Variants in RGS6 observed in about 807,000 individuals in gnomAD.
RGS6 encodes regulator of G-protein signaling 6.
In RGS6, 30 loss-of-function variants were observed where a neutral mutation model predicts 78.5. The ratio of observed to expected loss-of-function variants is 0.38; its 90% CI spans 0.29 to 0.52. The LOEUF (loss-of-function observed/expected upper bound fraction) is 0.52. RGS6 is among the 20% of genes least tolerant of loss of function. RGS6 has a pLI of 0.85. For synonymous variants in RGS6, 206 were observed against 206.0 expected (o/e 1.00, Z 0.00); for missense variants, 495 against 609.7 (o/e 0.81, Z 1.98).
intron 2 of RGS6, among the ~76,000 whole-genome samples, chr14:72,117,792 T>C (rs1184987008): frequency 6.6e-6 from 1 of 152,192 alleles, no homozygotes; most frequent in African/African-American, 2.4e-5. Context: ...CGCTGGCTAC[T>C]ATGTGGTGGA....
intron 1 of RGS6, among the ~76,000 whole-genome samples, chr14:71,940,887 T>G (rs942807672): frequency 2.6e-5 from 4 of 152,134 alleles, no homozygotes; most frequent in African/African-American, 9.7e-5. Context: ...ACCACCCCAA[T>G]CTCCCTAAGC....
the RGS6 span, among the ~76,000 whole-genome samples, chr14:72,610,596 C>T: frequency 6.6e-6 from 1 of 152,208 alleles, no homozygotes; most frequent in Admixed American, 6.5e-5. Flanking sequence ...GGGAGATGAC[C>T]TGGTTGAGGT....
intron 3 of RGS6, among the ~76,000 whole-genome samples, chr14:72,405,117 G>C (rs1449797677): frequency 1.3e-5 from 2 of 152,202 alleles, no homozygotes; most frequent in Admixed American, 1.3e-4. Flanking sequence ...AACAGAGTCA[G>C]CAGCTTCTTG....
intron 3 of RGS6, among the ~76,000 whole-genome samples, chr14:72,383,289 G>A (rs2086822936): frequency 6.7e-6 from 1 of 149,724 alleles, no homozygotes; most frequent in Non-Finnish European, 1.5e-5. Flanking sequence ...AAATAAAGGT[G>A]TATCACGAGG....
intron 2 of RGS6, among the ~76,000 whole-genome samples, chr14:72,040,715 G>C (rs753125753): frequency 6.6e-5 from 10 of 151,840 alleles, no homozygotes; most frequent in Non-Finnish European, 1.3e-4. Context: ...TCTTTCTCAG[G>C]GACTCTCATA....
chr14:72,360,879 G>A (rs375257089), intron 3 of RGS6, among the ~76,000 whole-genome samples: 28 of 152,178 alleles, frequency 1.8e-4, no homozygotes, highest in East Asian at 1.4e-3. Flanking sequence ...TGATTGGATC[G>A]TGGGGGTGGT....
chr14:72,053,014 C>A (rs1176388717), intron 2 of RGS6, among the ~76,000 whole-genome samples: 1 of 65,392 alleles, frequency 1.5e-5, no homozygotes, highest in East Asian at 4.1e-4. Context: ...TCTTTCTTTC[C>A]TTCTTTCTTT....
chr14:72,551,554 G>C (rs1006426659), intron 17 of RGS6, among the ~76,000 whole-genome samples: 2 of 152,162 alleles, frequency 1.3e-5, no homozygotes, highest in Non-Finnish European at 2.9e-5. Flanking sequence ...TGGCCTGCTC[G>C]TGTGACCCCT....
chr14:71,921,298 AGATTAAAAAAAAGGGTTCCCCCAGG>A, the RGS6 span, among the ~76,000 whole-genome samples: 515 of 152,356 alleles, frequency 3.4e-3, 2 homozygotes, highest in Non-Finnish European at 5.6e-3. Flanking sequence ...GTTCCCCCAA[AGATTAAAAAAAAGGGTTCCCCCAGG>A]GATTAAAAAT....
rs112801826 is a variant in RGS6, at chr14:72,236,802, G to A, written c.85-115293G>A. 7.1e-3 allele frequency among the ~76,000 whole-genome samples: 1,082 copies of A among 152,186 alleles called. 9 individuals carry two copies. Among genetic ancestry groups the A allele is most frequent in the African/African-American group, 0.025 (1,026 of 41,502 alleles). On this transcript the variant is annotated intron_variant, in intron 2 of 17. Coordinates refer to ENST00000553525, the MANE Select transcript of RGS6 (RefSeq NM_001204424.2). ...CCTCACTTCCCAGATGGCAGGGGGC[G>A]CTGAGCAGAGGTGCTCCTAACTTCC...
In RGS6 at chr14:72,556,005, T is replaced by TCAAA. The variant is rs574336803; in HGVS notation, c.1423-6409_1423-6406dup. Among the ~76,000 whole-genome samples the TCAAA allele has an allele frequency of 2.1e-4, 32 of 152,328 alleles. No individual in the cohort carries two copies. In the East Asian group the frequency reaches 5.2e-3, roughly 25 times the overall value. Reference sequence around the variant, plus strand: ...TCCATGAGCTACCCGTGCCATTCCATCAAACAGGCCCATGGGAGATCAGGG... The same window carrying TCAAA: ...TCCATGAGCTACCCGTGCCATTCCATCAAACAAACAGGCCCATGGGAGATCAGGG... On this transcript the variant is annotated intron_variant, in intron 17 of 17. Transcript: ENST00000553525.
chr14:72,202,974 A>C lies in RGS6; in HGVS notation c.85-149121A>C, dbSNP rs903304754. Among the ~76,000 whole-genome samples, 6 of 152,050 alleles carry C rather than the reference A, an allele frequency of 3.9e-5. No homozygotes were observed. The East Asian group carries it at 7.8e-4, about 20-fold the overall frequency. Reference sequence around the variant, plus strand: ...TGCAAGCTCCGCAGGAGAATGGTTCACGCCATTCTCCTGCCTCAGCCTCCT... The same window carrying C: ...TGCAAGCTCCGCAGGAGAATGGTTCCCGCCATTCTCCTGCCTCAGCCTCCT... On this transcript the variant is annotated intron_variant, in intron 2 of 17. Coordinates refer to ENST00000553525, the MANE Select transcript of RGS6 (RefSeq NM_001204424.2).
intron 2 of RGS6, among the ~76,000 whole-genome samples, chr14:72,311,408 C>T (rs1439672631): frequency 1.3e-5 from 2 of 151,758 alleles, no homozygotes; most frequent in Non-Finnish European, 2.9e-5. Context: ...GGGAGAGTAA[C>T]ATAGTAAGAT....
chr14:72,442,350 A>C (rs972454146), intron 3 of RGS6, among the ~76,000 whole-genome samples: 2 of 152,078 alleles, frequency 1.3e-5, no homozygotes, highest in Non-Finnish European at 2.9e-5. Flanking sequence ...TTGAGCCTGC[A>C]TCTAATACCC....
intron 2 of RGS6, among the ~76,000 whole-genome samples, chr14:72,076,952 T>TTATATATA (rs10642376): frequency 2.7e-5 from 4 of 145,490 alleles, no homozygotes; most frequent in African/African-American, 1.0e-4. Context: ...CAGCCAAATT[T>TTATATATA]TATATATATA....
intron 2 of RGS6, among the ~76,000 whole-genome samples, chr14:72,148,703 C>A (rs562422252): frequency 2.4e-4 from 37 of 152,218 alleles, no homozygotes; most frequent in African/African-American, 8.2e-4. Flanking sequence ...AGATTTCTAG[C>A]CTGCTGAGTA....
rs1197402233 is a variant in RGS6 at position 72,069,231 on chromosome 14, C to G, written c.84+104356C>G. On this transcript the variant is annotated intron_variant, in intron 2 of 17. Transcript: ENST00000553525. ...CAAATGATCCACCTGCCTCAGCCTC[C>G]CAAAGTGCTAGGATTACAGGCGTGA... Among the ~76,000 whole-genome samples, 3 of 152,108 alleles carry G rather than the reference C, an allele frequency of 2.0e-5. No individual in the cohort carries two copies. The East Asian group carries it at 5.8e-4, about 29-fold the overall frequency.
At chr14:71,944,002 A>C (rs1452545907) in intron 1 of RGS6, among the ~76,000 whole-genome samples, 1 of 152,114 alleles carries the variant, frequency 6.6e-6, no homozygotes. Flanking sequence ...CATATCCATG[A>C]TATAGTGAGA....
intron 2 of RGS6, among the ~76,000 whole-genome samples, chr14:72,248,432 T>A (rs1441508905): frequency 3.3e-5 from 5 of 152,234 alleles, no homozygotes; most frequent in African/African-American, 1.2e-4. Context: ...TTGCTAATTT[T>A]AAATCAATTC....
Sources: gnomAD v4.1 joint callset for allele counts (sites outside exome capture counted in the v4.1 genomes callset) on GRCh38, gnomAD v4.1.1 for gene constraint, MANE v1.5 for transcripts, NCBI Gene and HGNC (gene_info 2026-07-23, HGNC 2026-07-21) for gene names.